Variants in SNX6 observed in about 807,000 individuals in gnomAD.
SNX6 encodes the protein sorting nexin-6.
In SNX6, 34 loss-of-function variants were observed where a neutral mutation model predicts 63.0. That is an observed-to-expected ratio of 0.54 (90% CI 0.41 to 0.72). The LOEUF is 0.72. SNX6 is among the 30% of genes least tolerant of loss of function. The pLI is 0.00. For missense variants in SNX6, 398 were observed against 471.4 expected (o/e 0.84, Z 1.44); for synonymous variants, 170 against 164.2 (o/e 1.04, Z -0.27).
intron 6 of SNX6, among the ~76,000 whole-genome samples, chr14:34,600,443 C>CTT (rs879769668): frequency 6.5e-5 from 9 of 138,754 alleles, no homozygotes; most frequent in Admixed American, 5.8e-4. Flanking sequence ...TCTTCTTCTT[C>CTT]TTTTTTTTTT....
chr14:34,601,680 C>T (rs541877701), intron 6 of SNX6, among the ~76,000 whole-genome samples: 3 of 151,972 alleles, frequency 2.0e-5, no homozygotes, highest in East Asian at 2.0e-4. Context: ...CTGCAACCTC[C>T]GCCTCCCAGG....
intron 1 of SNX6, 34 bp downstream of exon 1, chr14:34,630,077 G>A (rs1215153777): frequency 5.5e-6 from 8 of 1,454,792 alleles, no homozygotes; most frequent in Non-Finnish European, 6.3e-6. Flanking sequence ...CCCCCACCGC[G>A]CTCCCGGGAC....
rs764909015 is a variant in SNX6 at position 34,564,200 on chromosome 14, G to A, written c.1168-1025C>T. 3.8e-4 allele frequency among the ~76,000 whole-genome samples: 58 copies of A among 151,968 alleles called. 1 individual carries two copies. The highest frequency in any genetic ancestry group is 2.6e-3 in the Admixed American group (39 of 15,234). ...GTGCCACCACGCTGGCTAATTTTTT[G>A]TATTTTTAGTAGAGACGGGGTTACA... is the stretch of plus-strand genomic sequence containing the variant. On this transcript the variant is annotated intron_variant, in intron 13 of 13. Transcript: ENST00000362031.
At chr14:34,569,176 C>A in intron 11 of SNX6, 1 of 734,952 alleles carries the variant, frequency 1.4e-6, no homozygotes, top group South Asian at 1.4e-5. Context: ...AGGGCTCAGT[C>A]CGTTTTTTTA....
chr14:34,610,797 G>A (rs1323975906), intron 2 of SNX6, among the ~76,000 whole-genome samples: 1 of 152,050 alleles, frequency 6.6e-6, no homozygotes, highest in Non-Finnish European at 1.5e-5. Flanking sequence ...AACACTCAAA[G>A]TCTTAGCCAG....
At chr14:34,572,494 AAC>A (rs1204388359) in intron 11 of SNX6, among the ~76,000 whole-genome samples, 1 of 152,180 alleles carries the variant, frequency 6.6e-6, no homozygotes, top group African/African-American at 2.4e-5. Context: ...ATTTGATATG[AAC>A]AGTGTATTTA....
intron 8 of SNX6, among the ~76,000 whole-genome samples, chr14:34,587,207 T>C (rs1882200838): frequency 6.6e-6 from 1 of 151,832 alleles, no homozygotes; most frequent in Non-Finnish European, 1.5e-5. Flanking sequence ...TTCTATGTAT[T>C]AGCAAAGAAC....
intron 8 of SNX6, among the ~76,000 whole-genome samples, chr14:34,591,230 TA>T (rs67980327): frequency 1.3e-5 from 2 of 150,520 alleles, no homozygotes; most frequent in African/African-American, 4.9e-5. Flanking sequence ...ACAAAGCTGT[TA>T]AAAAAAAAAC....
intron 2 of SNX6, among the ~76,000 whole-genome samples, chr14:34,612,601 T>A (rs1883274479): frequency 6.6e-6 from 1 of 151,994 alleles, no homozygotes; most frequent in South Asian, 2.1e-4. Flanking sequence ...GCCCAGCTAA[T>A]TTTTGTATTT....
At position 34,587,798 on chromosome 14, in the gene SNX6, ATTTTTTT is replaced by A. The variant is rs1168575667; in HGVS notation, c.719-1500_719-1494del. Among the ~76,000 whole-genome samples the A allele has an allele frequency of 1.0e-3, 109 of 107,076 alleles. 1 individual carries two copies. The highest frequency in any genetic ancestry group is 3.2e-3 in the African/African-American group (92 of 28,348). The allele number at this position is 107,076 out of a possible 152,430, so 70.2% of individuals were successfully genotyped here. A position where few individuals can be genotyped will look rare whatever the true frequency, so the allele number is the denominator to read the frequency against. The stretch of plus-strand genomic sequence containing the variant: ...AGGCACATGCCACCACGGTTGGCTA[ATTTTTTT>A]TTTTTTTTTTTTTTGGCGGGGGAGG... On this transcript the variant is annotated intron_variant, in intron 8 of 13. Coordinates refer to ENST00000362031, the MANE Select transcript of SNX6 (RefSeq NM_152233.4).
At position 34,607,268 on chromosome 14, in the gene SNX6, A is replaced by T. The variant is rs572222900; in HGVS notation, c.270+762T>A. Among the ~76,000 whole-genome samples the T allele has an allele frequency of 8.3e-4, 126 of 152,224 alleles. 1 individual carries two copies. The highest frequency in any genetic ancestry group is 3.7e-4 in the Non-Finnish European group (25 of 68,004). The stretch of plus-strand genomic sequence containing the variant: ...ATGTTTCATAACTGACAATTTAAAA[A>T]AACATATCAGGCTGAGTGCGGCGTT... On this transcript the variant is annotated intron_variant, in intron 4 of 13. Transcript: ENST00000362031.
chr14:34,598,452 C>T (rs1882684894), intron 6 of SNX6, among the ~76,000 whole-genome samples: 2 of 152,256 alleles, frequency 1.3e-5, no homozygotes, highest in African/African-American at 4.8e-5. Flanking sequence ...AGTGCAGTGG[C>T]GTGATCTTGG....
intron 3 of SNX6, 34 bp downstream of exon 3, chr14:34,609,604 G>T: frequency 7.1e-7 from 1 of 1,404,984 alleles, no homozygotes; most frequent in Non-Finnish European, 1.0e-6. Flanking sequence ...ATAATAAATG[G>T]CTAAAATAAT....
chr14:34,622,975 G>T (rs1883683285), intron 2 of SNX6, among the ~76,000 whole-genome samples: 1 of 152,166 alleles, frequency 6.6e-6, no homozygotes, highest in African/African-American at 2.4e-5. Flanking sequence ...CTATCATTAT[G>T]TCTTTACTAC....
chr14:34,570,100 C>T (rs1881376479), intron 11 of SNX6, among the ~76,000 whole-genome samples: 1 of 151,040 alleles, frequency 6.6e-6, no homozygotes, highest in Admixed American at 6.6e-5. Context: ...TGGAGTTTCG[C>T]TGTTTTTGCC....
intron 2 of SNX6, 130 bp downstream of exon 2, chr14:34,629,777 G>C: frequency 7.1e-7 from 1 of 1,400,208 alleles, no homozygotes; most frequent in Non-Finnish European, 9.7e-7. Flanking sequence ...GGTGCAGCGA[G>C]GAAACCGAAA....
intron 2 of SNX6, among the ~76,000 whole-genome samples, chr14:34,612,221 G>A (rs924476033): frequency 3.3e-5 from 5 of 152,104 alleles, no homozygotes; most frequent in Admixed American, 1.3e-4. Flanking sequence ...GATTACAGAC[G>A]TGAGCCACTG....
chr14:34,615,171 T>C (rs1883371520), intron 2 of SNX6, among the ~76,000 whole-genome samples: 1 of 152,202 alleles, frequency 6.6e-6, no homozygotes, highest in South Asian at 2.1e-4. Context: ...TGGTAACTTT[T>C]ATCTATATAA....
At chr14:34,574,644 A>G (rs1881611303) in intron 11 of SNX6, among the ~76,000 whole-genome samples, 1 of 146,454 alleles carries the variant, frequency 6.8e-6, no homozygotes, top group Non-Finnish European at 1.5e-5. Context: ...AAAAAAAAAG[A>G]AAGAAATCCT....
Sources: gnomAD v4.1 joint callset for allele counts (sites outside exome capture counted in the v4.1 genomes callset) on GRCh38, gnomAD v4.1.1 for gene constraint, MANE v1.5 for transcripts, NCBI Gene and HGNC (gene_info 2026-07-23, HGNC 2026-07-21) for gene names.